Variants in SATB1 observed in about 807,000 individuals in gnomAD.
SATB1 encodes the protein SATB homeobox 1, also known as DNA-binding protein SATB1.
A neutral mutation model predicts 86.9 loss-of-function variants in SATB1; 11 were observed. The ratio of observed to expected loss-of-function variants is 0.13; its 90% CI spans 0.08 to 0.21. The LOEUF (loss-of-function observed/expected upper bound fraction) is 0.21, where lower values mean the gene tolerates loss of function less well. SATB1 is among the 10% of genes least tolerant of loss of function. SATB1 has a pLI of 1.00. For missense variants in SATB1, 551 were observed against 937.6 expected, an observed-to-expected ratio of 0.59 and a Z score of 5.39; for synonymous variants, 357 against 357.2, an observed-to-expected ratio of 1.00 and a Z score of 0.01.
chr3:18,362,423 G>A (rs1694945804), intron 9 of SATB1, among the ~76,000 whole-genome samples: 2 of 151,946 alleles, frequency 1.3e-5, no homozygotes, highest in African/African-American at 2.4e-5. Context: ...CGGGTACACA[G>A]AAAGATACAA....
intron 5 of SATB1, among the ~76,000 whole-genome samples, chr3:18,412,813 A>C (rs965117224): frequency 6.6e-6 from 1 of 152,074 alleles, no homozygotes; most frequent in African/African-American, 2.4e-5. Context: ...AAACATAATA[A>C]AGAAGCAAAC....
At chr3:18,366,295 T>C (rs911066677) in intron 9 of SATB1, among the ~76,000 whole-genome samples, 4 of 152,106 alleles carry the variant, frequency 2.6e-5, no homozygotes, top group Non-Finnish European at 5.9e-5. Context: ...TGTCACTCCC[T>C]GCTTCCTTTT....
intron 1 of SATB1, chr3:18,445,249 G>T (rs1263222905): frequency 6.1e-6 from 6 of 981,990 alleles, no homozygotes; most frequent in Middle Eastern, 5.2e-4. Flanking sequence ...GGCCGCTGGC[G>T]ACACTAGGCG....
rs1413446707 is a variant in SATB1, at chr3:18,347,441, T to C, written c.*1729A>G. The C allele has an allele frequency of 1.3e-5, 2 of 151,986 alleles. No individual in the cohort carries two copies. Among genetic ancestry groups the C allele is most frequent in the South Asian group, 2.1e-4 (1 of 4,828 alleles). The allele number at this position is 151,986 out of a possible 1,614,324, so 9.4% of individuals were successfully genotyped here. On this transcript the variant is annotated 3_prime_UTR_variant, in exon 11 of 11. Coordinates refer to ENST00000338745, the MANE Select transcript of SATB1 (RefSeq NM_002971.6). ...TTTCTTCATGTAGCTCTTATAGTTA[T>C]GAGATACACTTACGAGCTCAGTTAT...
upstream of SATB1, among the ~76,000 whole-genome samples, chr3:18,439,045 G>A (rs79917647): frequency 0.02 from 3,059 of 152,232 alleles, 107 homozygotes; most frequent in African/African-American, 0.07. Context: ...TTTATCCAGC[G>A]AAATCTTTTC....
chr3:18,379,767 T>C (rs570410187), intron 8 of SATB1, among the ~76,000 whole-genome samples: 22 of 152,302 alleles, frequency 1.4e-4, no homozygotes, highest in Non-Finnish European at 2.8e-4. Context: ...GATACCACCT[T>C]TCCAAGCATG....
chr3:18,411,188 C>T (rs2125149533), intron 5 of SATB1: 1 of 322,748 alleles, frequency 3.1e-6, no homozygotes, highest in African/African-American at 2.1e-5. Flanking sequence ...TATGACTTGG[C>T]TTAAAGATAT....
At chr3:18,393,284 T>C (rs1359940064) in intron 7 of SATB1, among the ~76,000 whole-genome samples, 6 of 152,220 alleles carry the variant, frequency 3.9e-5, no homozygotes, top group Non-Finnish European at 1.5e-5. Flanking sequence ...AAAGGCATAA[T>C]GTCCTTCTTC....
Position 18,423,990 on chromosome 3 carries a change from G to C in SATB1, c.-388C>G, listed in dbSNP as rs1466538528. ...GGAGGAGGGGAGAGTGGGAAGCAGG[G>C]AGGAGGAAGAAGATAAAATTGATCT... On this transcript the variant is annotated 5_prime_UTR_variant, in exon 1 of 11. Transcript: ENST00000338745. 3 of 152,252 alleles carry C rather than the reference G, an allele frequency of 2.0e-5. No individual in the cohort carries two copies. Among genetic ancestry groups the C allele is most frequent in the Non-Finnish European group, 4.4e-5 (3 of 68,142 alleles). The allele number at this position is 152,252 out of a possible 1,614,324, so 9.4% of individuals were successfully genotyped here. A position where few individuals can be genotyped will look rare whatever the true frequency, so the allele number is the denominator to read the frequency against.
Position 18,378,242 on chromosome 3 carries a change from C to A in SATB1, c.1503G>T (p.Glu501Asp). 1 of 1,610,234 alleles carries A rather than the reference C, an allele frequency of 6.2e-7. No individual in the cohort carries two copies. The highest frequency in any genetic ancestry group is 8.5e-7 in the Non-Finnish European group (1 of 1,178,454). The change falls in exon 9 of 11, where the codon GAG becomes GAT. Residue 501 changes from glutamate to aspartate, a missense_variant. By Grantham distance (45) the Glu-to-Asp change is conservative (BLOSUM62 2). Coordinates refer to ENST00000338745, the MANE Select transcript of SATB1 (RefSeq NM_002971.6). ...TMNINASIYDEIQQEMKRAKV... is the reference protein window; with the variant it reads ...TMNINASIYDDIQQEMKRAKV... ...TAGCACGCTTCATTTCCTGCTGAAT[C>A]TCATCATAAATGGAAGCATTAATGT...
chr3:18,363,472 T>C (rs1695021471), intron 9 of SATB1, among the ~76,000 whole-genome samples: 1 of 152,160 alleles, frequency 6.6e-6, no homozygotes, highest in African/African-American at 2.4e-5. Context: ...CAAGGGAGAC[T>C]GGGGCTTTGC....
At position 18,394,418 on chromosome 3, in the gene SATB1, G is replaced by C; in HGVS notation, c.1206+44C>G. On this transcript the variant is annotated intron_variant, in intron 7 of 10. Coordinates refer to ENST00000338745, the MANE Select transcript of SATB1 (RefSeq NM_002971.6). The surrounding 1 kb of genome is among the most constrained non-coding windows in gnomAD (Gnocchi z 5.9). Reference sequence around the variant, plus strand: ...AGTTATAGATGGGACTAAAGAAAGAGAAAATAGGAGACAGCACAGAACCAC... The same window carrying C: ...AGTTATAGATGGGACTAAAGAAAGACAAAATAGGAGACAGCACAGAACCAC... The C allele has an allele frequency of 1.3e-6, 2 of 1,530,568 alleles. No homozygotes were observed. The highest frequency in any genetic ancestry group is 1.8e-6 in the Non-Finnish European group (2 of 1,106,766). 94.8% of individuals were successfully genotyped at this position (1,530,568 alleles called of 1,614,324 possible). A position where few individuals can be genotyped will look rare whatever the true frequency, so the allele number is the denominator to read the frequency against.
rs77179575 is a variant in SATB1, at chr3:18,363,463, A to G, written c.1576-11268T>C. Among the ~76,000 whole-genome samples, 1,361 of 152,288 alleles carry G rather than the reference A, an allele frequency of 8.9e-3. 16 individuals are homozygous for G. Among genetic ancestry groups the G allele is most frequent in the African/African-American group, 0.031 (1,270 of 41,548 alleles). On this transcript the variant is annotated intron_variant, in intron 9 of 10. Transcript: ENST00000338745. ...TATAATTTTACCAATAAAAGGAGAC[A>G]AGGGAGACTGGGGCTTTGCACAGAC...
chr3:18,391,885 ATG>A (rs574988305), intron 7 of SATB1, among the ~76,000 whole-genome samples: 2 of 152,256 alleles, frequency 1.3e-5, no homozygotes, highest in African/African-American at 4.8e-5. Context: ...CTGTGTATGT[ATG>A]TGTGTGTGGT....
intron 2 of SATB1, among the ~76,000 whole-genome samples, chr3:18,431,089 C>T (rs771016163): frequency 1.6e-4 from 25 of 152,106 alleles, no homozygotes; most frequent in Non-Finnish European, 1.8e-4. Context: ...TGACAGGGCA[C>T]GGTGGTAATA....
At chr3:18,421,094 A>ATAATGTAT (rs879639782) in intron 1 of SATB1, 103 bp from the exon 2 acceptor site, 15 of 731,612 alleles carry the variant, frequency 2.1e-5, no homozygotes, top group African/African-American at 3.5e-5. Context: ...CTCCACAAAT[A>ATAATGTAT]TAATGTATTT....
chr3:18,436,592 A>C (rs1699069809), intron 2 of SATB1, among the ~76,000 whole-genome samples: 1 of 152,174 alleles, frequency 6.6e-6, no homozygotes, highest in Non-Finnish European at 1.5e-5. Context: ...GTAAAAACAG[A>C]AAATTAGAAA....
chr3:18,376,964 A>G (rs557526209), intron 9 of SATB1, among the ~76,000 whole-genome samples: 5 of 152,336 alleles, frequency 3.3e-5, no homozygotes, highest in Admixed American at 6.5e-5. Flanking sequence ...CTATAAAGCT[A>G]TAATTTTTAC....
intron 2 of SATB1, among the ~76,000 whole-genome samples, chr3:18,418,590 G>C (rs1325610315): frequency 6.6e-6 from 1 of 152,128 alleles, no homozygotes; most frequent in Non-Finnish European, 1.5e-5. Flanking sequence ...GACAACTTGG[G>C]GAGACCACAG....
Sources: gnomAD v4.1 joint callset for allele counts (sites outside exome capture counted in the v4.1 genomes callset) on GRCh38, gnomAD v4.1.1 for gene constraint, Gnocchi (gnomAD v3.1) non-coding constraint, MANE v1.5 for transcripts, NCBI Gene and HGNC (gene_info 2026-07-23, HGNC 2026-07-21) for gene names.